The following DOCK1 variants were observed in gnomAD, a reference collection of about 807,000 sequenced individuals.
DOCK1 encodes the protein dedicator of cytokinesis 1.
Under a neutral mutation model 262.7 loss-of-function variants are expected in DOCK1, and 138 were observed. The observed-to-expected ratio is 0.53, with a 90% CI of 0.46 to 0.61. The LOEUF is 0.61. DOCK1 is among the 20% of genes least tolerant of loss of function. The pLI, the probability that DOCK1 is intolerant of heterozygous loss-of-function variation, is 0.00. For missense variants in DOCK1, 1,908 were observed against 2,370.7 expected, an observed-to-expected ratio of 0.80 and a Z score of 4.05; for synonymous variants, 866 against 867.4, an observed-to-expected ratio of 1.00 and a Z score of 0.03.
At chr10:127,387,862 T>G (rs1358790748) in intron 38 of DOCK1, among the ~76,000 whole-genome samples, 2 of 151,798 alleles carry the variant, frequency 1.3e-5, no homozygotes. Context: ...CAGAGTCTTT[T>G]TTTTTTTTTA....
At chr10:127,331,188 C>G (rs2062963638) in intron 29 of DOCK1, among the ~76,000 whole-genome samples, 1 of 152,178 alleles carries the variant, frequency 6.6e-6, no homozygotes, top group Non-Finnish European at 1.5e-5. Context: ...TGGTTAAAGG[C>G]TATTAAGGAA....
chr10:127,241,021 G>A (rs1175033371), intron 27 of DOCK1, among the ~76,000 whole-genome samples: 1 of 152,180 alleles, frequency 6.6e-6, no homozygotes, highest in Non-Finnish European at 1.5e-5. Context: ...ATCTACCTGA[G>A]GATAGTAATT....
At chr10:127,028,985 A>AC (rs1318073710) in intron 16 of DOCK1, among the ~76,000 whole-genome samples, 1 of 152,220 alleles carries the variant, frequency 6.6e-6, no homozygotes, top group Admixed American at 6.5e-5. Flanking sequence ...TCTCAAAATT[A>AC]CGCTCCCGTC....
intron 23 of DOCK1, among the ~76,000 whole-genome samples, chr10:127,085,436 C>T (rs777120413): frequency 2.6e-5 from 4 of 152,290 alleles, no homozygotes; most frequent in South Asian, 2.1e-4. Context: ...ATACCCACTG[C>T]TGTTTATTAT....
At chr10:127,313,811 T>C (rs553756087) in intron 29 of DOCK1, among the ~76,000 whole-genome samples, 26 of 152,278 alleles carry the variant, frequency 1.7e-4, no homozygotes, top group African/African-American at 6.0e-4. Flanking sequence ...GGATTTCATC[T>C]AGAACTACAG....
intron 1 of DOCK1, among the ~76,000 whole-genome samples, chr10:126,948,525 G>T (rs2035820463): frequency 6.6e-6 from 1 of 151,846 alleles, no homozygotes; most frequent in African/African-American, 2.4e-5. Flanking sequence ...GCCTTTTGAG[G>T]GCATCTGGAT....
chr10:127,110,169 C>T (rs1318257535), intron 24 of DOCK1, 79 bp from the exon 25 acceptor site: 1 of 1,178,658 alleles, frequency 8.5e-7, no homozygotes, highest in Non-Finnish European at 1.2e-6. Flanking sequence ...ATGTGATGAC[C>T]TATATCTCAG....
chr10:127,099,362 G>T (rs2048099329), intron 23 of DOCK1, among the ~76,000 whole-genome samples: 1 of 152,140 alleles, frequency 6.6e-6, no homozygotes, highest in African/African-American at 2.4e-5. Context: ...ACCTTCCATT[G>T]CAGTCCAAAT....
chr10:127,193,912 C>T (rs2134135631), intron 27 of DOCK1, among the ~76,000 whole-genome samples: 1 of 152,304 alleles, frequency 6.6e-6, no homozygotes, highest in South Asian at 2.1e-4. Flanking sequence ...AGACATGGAG[C>T]TTCCCAGCTT....
chr10:127,412,456 C>T (rs1193570648), intron 43 of DOCK1, among the ~76,000 whole-genome samples: 3 of 152,102 alleles, frequency 2.0e-5, no homozygotes, highest in African/African-American at 4.8e-5. Context: ...AATGTTTATC[C>T]GTCTTGCCTG....
At chr10:127,062,849 A>G (rs1194918925) in intron 23 of DOCK1, among the ~76,000 whole-genome samples, 2 of 152,348 alleles carry the variant, frequency 1.3e-5, no homozygotes, top group East Asian at 3.9e-4. Flanking sequence ...TTGCCTGTGC[A>G]GAAGAGCGAG....
intron 27 of DOCK1, among the ~76,000 whole-genome samples, chr10:127,158,988 C>T (rs983758131): frequency 2.0e-5 from 3 of 152,158 alleles, no homozygotes; most frequent in African/African-American, 7.2e-5. Context: ...GGACCCTGGA[C>T]CTCTCCTTGC....
At chr10:127,281,442 T>C (rs921864976) in intron 29 of DOCK1, among the ~76,000 whole-genome samples, 5 of 152,154 alleles carry the variant, frequency 3.3e-5, no homozygotes, top group Non-Finnish European at 7.3e-5. Flanking sequence ...ATGGGACCAT[T>C]CTTGACCTTC....
At chr10:127,298,298 C>G (rs188017038) in intron 29 of DOCK1, among the ~76,000 whole-genome samples, 1 of 152,210 alleles carries the variant, frequency 6.6e-6, no homozygotes, top group Non-Finnish European at 1.5e-5. Context: ...GGGGTTAGCT[C>G]GAATCTGTGA....
intron 29 of DOCK1, among the ~76,000 whole-genome samples, chr10:127,277,170 C>T (rs2060772834): frequency 6.6e-6 from 1 of 152,096 alleles, no homozygotes; most frequent in Non-Finnish European, 1.5e-5. Context: ...ATTCAAATGG[C>T]CTTTTGACTT....
At chr10:127,080,917 C>T (rs896315477) in intron 23 of DOCK1, among the ~76,000 whole-genome samples, 1 of 152,090 alleles carries the variant, frequency 6.6e-6, no homozygotes, top group African/African-American at 2.4e-5. Context: ...TTTTCTTAAC[C>T]TCCTCAGAGC....
At chr10:126,952,870 A>AGTGTTGGTGATG (rs2036413417) in intron 1 of DOCK1, among the ~76,000 whole-genome samples, 1 of 130,840 alleles carries the variant, frequency 7.6e-6, no homozygotes, top group Non-Finnish European at 1.7e-5. Context: ...ATGTGGTAGT[A>AGTGTTGGTGATG]TTGTTATTGT....
intron 27 of DOCK1, among the ~76,000 whole-genome samples, chr10:127,202,074 G>A (rs1160868892): frequency 6.6e-6 from 1 of 152,156 alleles, no homozygotes; most frequent in African/African-American, 2.4e-5. Context: ...TGTAATCCGA[G>A]CATTTTGGGA....
At chr10:126,989,012 G>A (rs2039607549) in intron 5 of DOCK1, among the ~76,000 whole-genome samples, 1 of 149,868 alleles carries the variant, frequency 6.7e-6, no homozygotes, top group South Asian at 2.1e-4. Context: ...GGCGGAGGTT[G>A]CAATGAGCCA....
Sources: allele counts gnomAD v4.1 joint callset (sites outside exome capture counted in the v4.1 genomes callset), GRCh38; gene constraint gnomAD v4.1.1; transcripts MANE v1.5; gene names NCBI Gene and HGNC (gene_info 2026-07-23, HGNC 2026-07-21).